LAMC1: variants seen among roughly 807,000 people sequenced by gnomAD.
LAMC1 encodes the protein laminin subunit gamma-1.
In LAMC1, 38 loss-of-function variants were observed where a neutral mutation model predicts 173.6. The observed-to-expected ratio is 0.22, with a 90% CI of 0.17 to 0.29. The LOEUF (loss-of-function observed/expected upper bound fraction) is 0.29, where lower values mean the gene tolerates loss of function less well. Ranked by LOEUF, LAMC1 falls within the 10% of genes least tolerant of loss-of-function variation. LAMC1 has a pLI of 1.00. For synonymous variants in LAMC1, 746 were observed against 749.1 expected (o/e 1.00, Z 0.07); for missense variants, 1,824 against 2,051.8 (o/e 0.89, Z 2.14).
Position 183,023,641 on chromosome 1 carries a change from T to G in LAMC1, c.-76T>G, listed in dbSNP as rs947997714. Reference sequence around the variant, plus strand: ...CCCAGGCTCAAGCAGCGAAGCGGCCTCCGGGGGACGCCGCTAGGCGAGAGG... The same window carrying G: ...CCCAGGCTCAAGCAGCGAAGCGGCCGCCGGGGGACGCCGCTAGGCGAGAGG... On this transcript the variant is annotated 5_prime_UTR_variant, in exon 1 of 28. Coordinates refer to ENST00000258341, the MANE Select transcript of LAMC1 (RefSeq NM_002293.4). The G allele has an allele frequency of 9.1e-7, 1 of 1,095,406 alleles. No homozygotes were observed. The highest frequency in any genetic ancestry group is 1.1e-6 in the Non-Finnish European group (1 of 891,432). The allele number at this position is 1,095,406 out of a possible 1,614,324, so 67.9% of individuals were successfully genotyped here.
At chr1:183,113,587 G>A (rs1656228513) in intron 4 of LAMC1, among the ~76,000 whole-genome samples, 1 of 152,142 alleles carries the variant, frequency 6.6e-6, no homozygotes, top group South Asian at 2.1e-4. Flanking sequence ...GCCCTGCAGG[G>A]AATATAGCTA....
chr1:183,084,265 C>T (rs1026454695), intron 1 of LAMC1, among the ~76,000 whole-genome samples: 2 of 152,046 alleles, frequency 1.3e-5, no homozygotes, highest in African/African-American at 4.8e-5. Context: ...ATGGCGTGAA[C>T]CCGGGAGGCG....
At chr1:183,121,179 G>A (rs1656460902) in intron 11 of LAMC1, among the ~76,000 whole-genome samples, 1 of 152,112 alleles carries the variant, frequency 6.6e-6, no homozygotes, top group African/African-American at 2.4e-5. Context: ...AGCACTTTGG[G>A]AGGCCAAGGT....
chr1:183,112,997 C>T (rs1040742545), intron 4 of LAMC1, among the ~76,000 whole-genome samples: 1 of 152,092 alleles, frequency 6.6e-6, no homozygotes, highest in East Asian at 1.9e-4. Flanking sequence ...TAGTGAAACC[C>T]TGTCTCTGCA....
At chr1:183,036,667 A>G (rs949916139) in intron 1 of LAMC1, among the ~76,000 whole-genome samples, 1 of 152,186 alleles carries the variant, frequency 6.6e-6, no homozygotes, top group African/African-American at 2.4e-5. Flanking sequence ...CTGAGATTAC[A>G]GACGTGAGCC....
intron 19 of LAMC1, among the ~76,000 whole-genome samples, chr1:183,131,035 A>G (rs1166682706): frequency 6.6e-6 from 1 of 152,090 alleles, no homozygotes; most frequent in East Asian, 1.9e-4. Flanking sequence ...TTAGCCGGGT[A>G]TGGTGGTGCA....
intron 1 of LAMC1, among the ~76,000 whole-genome samples, chr1:183,050,734 A>G (rs1328431326): frequency 2.0e-5 from 3 of 150,462 alleles, no homozygotes; most frequent in Non-Finnish European, 3.0e-5. Flanking sequence ...TCTACTAAAA[A>G]TACAAAATTA....
At chr1:183,074,142 G>A (rs760917336) in intron 1 of LAMC1, among the ~76,000 whole-genome samples, 3 of 152,078 alleles carry the variant, frequency 2.0e-5, no homozygotes, top group Non-Finnish European at 4.4e-5. Flanking sequence ...TTATTCAAAT[G>A]GAATACATAG....
intron 1 of LAMC1, among the ~76,000 whole-genome samples, chr1:183,065,177 G>A (rs953699998): frequency 6.6e-6 from 1 of 152,078 alleles, no homozygotes; most frequent in Non-Finnish European, 1.5e-5. Context: ...GAAAAGGTAC[G>A]GTAAAAATAC....
rs1485337098 is a variant in LAMC1, at chr1:183,098,255, C to T, written c.419-5073C>T. 2.6e-5 allele frequency among the ~76,000 whole-genome samples: 4 copies of T among 152,106 alleles called. No homozygotes were observed. In the East Asian group the frequency reaches 7.7e-4, roughly 29 times the overall value. ...TAGTGAGAGAGAGGACATGGTAACC[C>T]TCAGGTAGAGCTATTTAACAGAATA... On this transcript the variant is annotated intron_variant, in intron 1 of 27. Transcript: ENST00000258341.
intron 10 of LAMC1, 69 bp downstream of exon 10, chr1:183,117,792 A>T: frequency 7.3e-7 from 1 of 1,362,706 alleles, no homozygotes; most frequent in Non-Finnish European, 1.0e-6. Context: ...ATTTAAGTTT[A>T]ACTGGCCTCT....
At chr1:183,112,591 T>C (rs1462454359) in intron 4 of LAMC1, among the ~76,000 whole-genome samples, 23 of 152,148 alleles carry the variant, frequency 1.5e-4, no homozygotes, top group Admixed American at 1.5e-3. Flanking sequence ...GAGAACTACC[T>C]TCTCTCAAGG....
At chr1:183,027,458 A>G (rs1361132725) in intron 1 of LAMC1, among the ~76,000 whole-genome samples, 1 of 152,184 alleles carries the variant, frequency 6.6e-6, no homozygotes, top group Non-Finnish European at 1.5e-5. Flanking sequence ...CTTTTATCAA[A>G]CAGCCCCATT....
rs186556812 is a variant in LAMC1, at chr1:183,031,350, G to C, written c.418+7216G>C. On this transcript the variant is annotated intron_variant, in intron 1 of 27. Transcript: ENST00000258341. ...GACGAGTTTCGCTCTTGTCGCCCAGGCTGGAGTGCAGTGGCACGATCTTGG... is the reference window on the plus strand; with the variant it reads ...GACGAGTTTCGCTCTTGTCGCCCAGCCTGGAGTGCAGTGGCACGATCTTGG... Among the ~76,000 whole-genome samples, 244 of 152,240 alleles carry C rather than the reference G, an allele frequency of 1.6e-3. 2 individuals are homozygous for C. Among genetic ancestry groups the C allele is most frequent in the East Asian group, 2.7e-3 (14 of 5,180 alleles).
At position 183,143,462 on chromosome 1, in the gene LAMC1, T is replaced by G. The variant is rs1342304522; in HGVS notation, c.*672T>G. The G allele has an allele frequency of 2.0e-5, 3 of 152,638 alleles. No individual in the cohort carries two copies. Among genetic ancestry groups the G allele is most frequent in the Admixed American group, 2.0e-4 (3 of 15,284 alleles). The allele number at this position is 152,638 out of a possible 1,614,324, so 9.5% of individuals were successfully genotyped here. On this transcript the variant is annotated 3_prime_UTR_variant, in exon 28 of 28. Coordinates refer to ENST00000258341, the MANE Select transcript of LAMC1 (RefSeq NM_002293.4). ...TGAACATGGCTGAAGATTTTTCTAG[T>G]ATATTAATAATTGACTAGGAAGATG...
At chr1:183,142,451 C>T (rs2102119185) in intron 27 of LAMC1, 83 bp from the exon 28 acceptor site, 3 of 1,413,850 alleles carry the variant, frequency 2.1e-6, no homozygotes, top group Non-Finnish European at 2.9e-6. Flanking sequence ...GCTGCTGGGC[C>T]TAGAGTCTAG....
intron 17 of LAMC1, among the ~76,000 whole-genome samples, chr1:183,128,374 A>G (rs1303839517): frequency 2.0e-5 from 3 of 152,142 alleles, no homozygotes; most frequent in Non-Finnish European, 4.4e-5. Context: ...ATAGAACTAC[A>G]TATTCATGCA....
chr1:183,055,143 C>T (rs191422366), intron 1 of LAMC1, among the ~76,000 whole-genome samples: 23 of 152,058 alleles, frequency 1.5e-4, no homozygotes, highest in South Asian at 4.2e-4. Flanking sequence ...TGCCTGCCAC[C>T]GCGCCTGGCT....
intron 1 of LAMC1, among the ~76,000 whole-genome samples, chr1:183,064,585 G>A (rs1654820306): frequency 6.6e-6 from 1 of 152,138 alleles, no homozygotes; most frequent in Non-Finnish European, 1.5e-5. Flanking sequence ...GTGAATCAAT[G>A]AGTAACAGTG....
Sources: allele counts gnomAD v4.1 joint callset (sites outside exome capture counted in the v4.1 genomes callset), GRCh38; gene constraint gnomAD v4.1.1; transcripts MANE v1.5; gene names NCBI Gene and HGNC (gene_info 2026-07-23, HGNC 2026-07-21).